CDC42BPB: variants seen among roughly 807,000 people sequenced by gnomAD.
CDC42BPB encodes serine/threonine-protein kinase MRCK beta.
In CDC42BPB, 37 loss-of-function variants were observed where a neutral mutation model predicts 214.9. The observed-to-expected ratio is 0.17, with a 90% confidence interval of 0.13 to 0.23. CDC42BPB has a LOEUF of 0.23. CDC42BPB is among the 10% of genes least tolerant of loss of function. The pLI is 1.00. For synonymous variants in CDC42BPB, 931 were observed against 884.0 expected (o/e 1.05, Z -0.94); for missense variants, 1,694 against 2,227.0 (o/e 0.76, Z 4.82).
At chr14:103,010,144 GGGCGTGGT>G (rs1886067061) in intron 2 of CDC42BPB, among the ~76,000 whole-genome samples, 1 of 152,112 alleles carries the variant, frequency 6.6e-6, no homozygotes, top group Admixed American at 6.5e-5. Flanking sequence ...AAAATTAGCC[GGGCGTGGT>G]GGCACATGCC....
intron 5 of CDC42BPB, among the ~76,000 whole-genome samples, chr14:102,998,636 CCT>C (rs1894846844): frequency 6.6e-6 from 1 of 152,190 alleles, no homozygotes; most frequent in Non-Finnish European, 1.5e-5. Flanking sequence ...AGAGGGGGCC[CCT>C]GAGAGCAGGA....
intron 35 of CDC42BPB, 42 bp downstream of exon 35, chr14:102,938,264 C>G (rs1891728531): frequency 6.3e-7 from 1 of 1,599,220 alleles, no homozygotes; most frequent in Non-Finnish European, 8.5e-7. Context: ...CCCCCTACCC[C>G]CCACCTCCCC....
At chr14:103,019,210 A>G (rs1053397038) in intron 1 of CDC42BPB, among the ~76,000 whole-genome samples, 1 of 152,194 alleles carries the variant, frequency 6.6e-6, no homozygotes, top group African/African-American at 2.4e-5. Context: ...ATGGAATTAC[A>G]GGGGTGGGCT....
At chr14:103,024,720 T>C (rs1256541528) in intron 1 of CDC42BPB, among the ~76,000 whole-genome samples, 2 of 152,334 alleles carry the variant, frequency 1.3e-5, no homozygotes, top group East Asian at 1.9e-4. Context: ...CCATTGCTAA[T>C]GGCAGCTTCC....
intron 26 of CDC42BPB, among the ~76,000 whole-genome samples, chr14:102,948,640 G>A (rs1191214393): frequency 2.3e-5 from 2 of 85,796 alleles, no homozygotes; most frequent in Admixed American, 2.2e-4. Context: ...GAGGGGGAGT[G>A]GGGGGTGGGT....
At chr14:102,937,968 GC>G in intron 36 of CDC42BPB, 135 bp downstream of exon 36, 1 of 909,240 alleles carries the variant, frequency 1.1e-6, no homozygotes, top group Non-Finnish European at 1.8e-6. Flanking sequence ...CCCGACCCCT[GC>G]CCCCGTCACC....
chr14:102,936,564 C>T (rs1891654814), intron 36 of CDC42BPB, among the ~76,000 whole-genome samples: 1 of 151,918 alleles, frequency 6.6e-6, no homozygotes, highest in Admixed American at 6.6e-5. Context: ...AGGGAAATCA[C>T]AGGAAACTAC....
In CDC42BPB at chr14:102,974,073, C is replaced by G. The variant is rs1037334693; in HGVS notation, c.1584G>C (p.Leu528=). The change falls in exon 12 of 37, where the codon CTG becomes CTC. Residue 528 remains leucine, a synonymous_variant. Coordinates refer to ENST00000361246, the MANE Select transcript of CDC42BPB (RefSeq NM_006035.4). ...CGCGGTGCTGCTTCTCCAGCCCCCG[C>G]AGCCGCTGCGTGGAGTCCTCACGCT... The part of the protein sequence containing the change: ...RQEREDSTQR[L]RGLEKQHRVV... The G allele has an allele frequency of 6.2e-7, 1 of 1,614,030 alleles. No homozygotes were observed. Among genetic ancestry groups the G allele is most frequent in the Non-Finnish European group, 8.5e-7 (1 of 1,179,934 alleles).
At chr14:103,046,073 G>C (rs1164546984) in intron 1 of CDC42BPB, among the ~76,000 whole-genome samples, 1 of 152,144 alleles carries the variant, frequency 6.6e-6, no homozygotes, top group Non-Finnish European at 1.5e-5. Context: ...AATGAGAAGA[G>C]GCGCTCAGAT....
chr14:103,037,727 G>C (rs1001366800), intron 1 of CDC42BPB, among the ~76,000 whole-genome samples: 2 of 152,110 alleles, frequency 1.3e-5, no homozygotes, highest in African/African-American at 2.4e-5. Context: ...GATATGTGGA[G>C]AGGAGTTTTT....
chr14:103,017,444 T>A (rs1015551954), intron 1 of CDC42BPB, among the ~76,000 whole-genome samples: 3 of 151,994 alleles, frequency 2.0e-5, no homozygotes, highest in Non-Finnish European at 4.4e-5. Context: ...AAAATACCTA[T>A]CAATTACGCA....
At chr14:103,042,082 A>C (rs1888033122) in intron 1 of CDC42BPB, 1 of 174,796 alleles carries the variant, frequency 5.7e-6, no homozygotes, top group Non-Finnish European at 1.3e-5. Context: ...AGGATGTTGA[A>C]GACAAAAAAT....
rs2139359094 is a variant in CDC42BPB at position 102,943,201 on chromosome 14, T to C, written c.4408+690A>G. Among the ~76,000 whole-genome samples the C allele has an allele frequency of 6.6e-6, 1 of 152,162 alleles. No individual in the cohort carries two copies. The highest frequency in any genetic ancestry group is 6.5e-5 in the Admixed American group (1 of 15,270). On this transcript the variant is annotated intron_variant, in intron 30 of 36. Transcript: ENST00000361246. This position sits in a 1 kb window ranked among gnomAD's most constrained non-coding sequence, Gnocchi z 4.6. ...AGAGATGAGGCTGGTATTGAACTTC[T>C]GAGCTCAAGTGAGCCTCCTGCCTCA...
chr14:103,024,468 A>G (rs1458072184), intron 1 of CDC42BPB, among the ~76,000 whole-genome samples: 1 of 152,226 alleles, frequency 6.6e-6, no homozygotes, highest in Non-Finnish European at 1.5e-5. Flanking sequence ...AATGTAAGAA[A>G]GTAAAAAGTT....
At chr14:103,039,034 G>A (rs1672765890) in intron 1 of CDC42BPB, among the ~76,000 whole-genome samples, 1 of 151,886 alleles carries the variant, frequency 6.6e-6, no homozygotes, top group African/African-American at 2.4e-5. Context: ...TAGGTGAAAT[G>A]GACGAATTTA....
At chr14:103,043,992 T>G (rs1321453158) in intron 1 of CDC42BPB, among the ~76,000 whole-genome samples, 2 of 152,236 alleles carry the variant, frequency 1.3e-5, no homozygotes, top group Non-Finnish European at 2.9e-5. Flanking sequence ...TGACACAGTA[T>G]AATATCAATG....
intron 1 of CDC42BPB, among the ~76,000 whole-genome samples, chr14:103,034,964 C>T (rs984768072): frequency 1.3e-5 from 2 of 151,928 alleles, no homozygotes; most frequent in East Asian, 3.9e-4. Flanking sequence ...TATTAAAATG[C>T]TATTGGAGAA....
chr14:102,966,417 C>T lies in CDC42BPB; in HGVS notation c.2472-30G>A, dbSNP rs745583450. On this transcript the variant is annotated intron_variant, in intron 17 of 36. Coordinates refer to ENST00000361246, the MANE Select transcript of CDC42BPB (RefSeq NM_006035.4). ...AGGAGGGAACAGATGTTCTATCTCA[C>T]GAAGCATGGCTATCAGGGAGAAGCC... The T allele has an allele frequency of 5.0e-6, 8 of 1,609,356 alleles. No individual in the cohort carries two copies. The Admixed American group carries it at 8.4e-5, about 17-fold the overall frequency.
At chr14:102,954,349 C>A in intron 22 of CDC42BPB, 74 bp from the exon 23 acceptor site, 2 of 1,446,570 alleles carry the variant, frequency 1.4e-6, no homozygotes, top group Non-Finnish European at 1.8e-6. Context: ...ACGGGGTGCA[C>A]TTCTCTCAAG....
Sources: gnomAD v4.1 joint callset for allele counts (sites outside exome capture counted in the v4.1 genomes callset) on GRCh38, gnomAD v4.1.1 for gene constraint, Gnocchi (gnomAD v3.1) non-coding constraint, MANE v1.5 for transcripts, NCBI Gene and HGNC (gene_info 2026-07-23, HGNC 2026-07-21) for gene names.